Variants in CENPO observed in about 807,000 individuals in gnomAD.
CENPO encodes the protein centromeric protein O.
CENPO carries 30 observed loss-of-function variants against 36.1 expected under a neutral mutation model. The ratio of observed to expected loss-of-function variants is 0.83; its 90% CI spans 0.62 to 1.13. The LOEUF is 1.13. CENPO is among the 50% of genes most tolerant of loss of function. The probability of loss-of-function intolerance (pLI) is 0.00; values close to 1 mark genes in which losing one functional copy is unlikely to be tolerated. For synonymous variants in CENPO, 171 were observed against 142.3 expected (o/e 1.20, Z -1.44); for missense variants, 349 against 357.8 (o/e 0.98, Z 0.20).
chr2:24,819,694 T>C lies in CENPO; in HGVS notation c.*376T>C, dbSNP rs1313915968. Reference sequence around the variant, plus strand: ...GGACGGCAGGGATTGGAACGAGGGCTCTGGAAGGACTGTTCAGCCCTATGC... The same window carrying C: ...GGACGGCAGGGATTGGAACGAGGGCCCTGGAAGGACTGTTCAGCCCTATGC... On this transcript the variant is annotated 3_prime_UTR_variant, in exon 8 of 8. Transcript: ENST00000380834. 4 of 453,524 alleles carry C rather than the reference T, an allele frequency of 8.8e-6. No homozygotes were observed. Among genetic ancestry groups the C allele is most frequent in the Non-Finnish European group, 1.6e-5 (4 of 256,536 alleles). 28.1% of individuals were successfully genotyped at this position (453,524 alleles called of 1,614,324 possible).
rs1666904596 is a variant in CENPO, at chr2:24,815,605, T to C, written c.443T>C (p.Leu148Pro). The C allele has an allele frequency of 6.2e-7, 1 of 1,613,952 alleles. No homozygotes were observed. Among genetic ancestry groups the C allele is most frequent in the Non-Finnish European group, 8.5e-7 (1 of 1,179,982 alleles). Residue 148 changes from leucine (L) to proline (P), a missense_variant, in exon 5 of 8, where the codon CTC becomes CCC. Leu to Pro is a moderately conservative substitution (Grantham distance 98). Transcript: ENST00000380834. ...YFVDLVIQKP[L>P]RIHHHSVPVF... ...GTGGACCTTGTCATACAGAAACCAC[T>C]CCGGATACATCACCATTCAGTCCCA...
In CENPO at chr2:24,820,078, C is replaced by G. The variant is rs149824724; in HGVS notation, c.*760C>G. ...GGGCCTCGCCTCACAAAGCGGAAGC[C>G]GTACTCTCGGAGGATGACTTGGGTT... On this transcript the variant is annotated 3_prime_UTR_variant, in exon 8 of 8. Transcript: ENST00000380834. 6.3e-7 allele frequency: 1 copy of G among 1,575,032 alleles called. No individual in the cohort carries two copies. The highest frequency in any genetic ancestry group is 8.6e-7 in the Non-Finnish European group (1 of 1,161,064).
At chr2:24,799,608 G>T in intron 2 of CENPO, 67 bp from the exon 3 acceptor site, 1 of 1,312,392 alleles carries the variant, frequency 7.6e-7, no homozygotes, top group Non-Finnish European at 1.1e-6. Flanking sequence ...TCTTCCCTGA[G>T]ATGCTTCCTG....
chr2:24,793,664 G>A (rs551876179), intron 1 of CENPO, 163 bp downstream of exon 1: 59 of 1,177,386 alleles, frequency 5.0e-5, no homozygotes, highest in Admixed American at 8.4e-5. Context: ...CGGGATGGGC[G>A]CGGGGGTGGG....
In CENPO at chr2:24,822,027, T is replaced by G; in HGVS notation, c.*2709T>G. 4.6e-6 allele frequency: 1 copy of G among 215,756 alleles called. No individual in the cohort carries two copies. Among genetic ancestry groups the G allele is most frequent in the Admixed American group, 5.3e-5 (1 of 18,862 alleles). 13.4% of individuals were successfully genotyped at this position (215,756 alleles called of 1,614,324 possible). On this transcript the variant is annotated 3_prime_UTR_variant, in exon 8 of 8. Coordinates refer to ENST00000380834, the MANE Select transcript of CENPO (RefSeq NM_001322101.2). ...GGACGTGTTTCTTTAACCTCATCCA[T>G]ATAATAGGGCCGTGGGATGGTTGTA...
intron 6 of CENPO, among the ~76,000 whole-genome samples, chr2:24,817,071 T>C (rs1051138632): frequency 1.3e-5 from 2 of 152,212 alleles, no homozygotes; most frequent in Non-Finnish European, 2.9e-5. Flanking sequence ...TCTCGCAGCC[T>C]ATGATTTGTT....
chr2:24,793,705 A>G, intron 1 of CENPO, 147 bp from the exon 2 acceptor site: 2 of 965,958 alleles, frequency 2.1e-6, no homozygotes, highest in Admixed American at 2.5e-5. Flanking sequence ...ACGATGGGAG[A>G]GGGCGGGCGG....
At chr2:24,805,378 T>G (rs1666353222) in intron 3 of CENPO, among the ~76,000 whole-genome samples, 1 of 152,254 alleles carries the variant, frequency 6.6e-6, no homozygotes, top group Admixed American at 6.5e-5. Context: ...GGAGCTGCGT[T>G]CCTTTGGAGG....
Position 24,821,601 on chromosome 2 carries a change from C to CAGCCAGGTG in CENPO, c.*2284_*2292dup. ...ATGGCCAGCGCGAAGTCGGCCAGGTCAGCCAGGTGCTGCCAGCGCTCTCTC... is the reference window on the plus strand; with the variant it reads ...ATGGCCAGCGCGAAGTCGGCCAGGTCAGCCAGGTGAGCCAGGTGCTGCCAGCGCTCTCTC... On this transcript the variant is annotated 3_prime_UTR_variant, in exon 8 of 8. Coordinates refer to ENST00000380834, the MANE Select transcript of CENPO (RefSeq NM_001322101.2). 6.2e-7 allele frequency: 1 copy of CAGCCAGGTG among 1,614,168 alleles called. No individual in the cohort carries two copies. Among genetic ancestry groups the CAGCCAGGTG allele is most frequent in the Non-Finnish European group, 8.5e-7 (1 of 1,180,022 alleles).
In CENPO at chr2:24,822,263, C is replaced by T. The variant is rs754473225; in HGVS notation, c.*2945C>T. On this transcript the variant is annotated 3_prime_UTR_variant, in exon 8 of 8. Transcript: ENST00000380834. Reference sequence around the variant, plus strand: ...ATGAAAGCACAGAGCCTTAGGGGGCCTGGCCACAGAACACAACCATCTTAG... The same window carrying T: ...ATGAAAGCACAGAGCCTTAGGGGGCTTGGCCACAGAACACAACCATCTTAG... The T allele has an allele frequency of 2.4e-6, 1 of 411,588 alleles. No individual in the cohort carries two copies. The highest frequency in any genetic ancestry group is 4.3e-6 in the Non-Finnish European group (1 of 231,148). 25.5% of individuals were successfully genotyped at this position (411,588 alleles called of 1,614,324 possible).
rs981590615 is a variant in CENPO, at chr2:24,819,795, G to A, written c.*477G>A. The stretch of plus-strand genomic sequence containing the variant: ...CCACCCTCAGAGCTCACACATCCAC[G>A]AACAAATGAAGGCTGAGGAGGTTTC... On this transcript the variant is annotated 3_prime_UTR_variant, in exon 8 of 8. Transcript: ENST00000380834. 10 of 933,494 alleles carry A rather than the reference G, an allele frequency of 1.1e-5. No individual in the cohort carries two copies. The highest frequency in any genetic ancestry group is 3.5e-5 in the South Asian group (2 of 57,322). The allele number at this position is 933,494 out of a possible 1,614,324, so 57.8% of individuals were successfully genotyped here. A position where few individuals can be genotyped will look rare whatever the true frequency, so the allele number is the denominator to read the frequency against.
Position 24,821,637 on chromosome 2 carries a change from C to T in CENPO, c.*2319C>T. The T allele has an allele frequency of 6.2e-7, 1 of 1,613,956 alleles. No homozygotes were observed. Among genetic ancestry groups the T allele is most frequent in the Non-Finnish European group, 8.5e-7 (1 of 1,179,978 alleles). ...TGCCAGCGCTCTCTCTCGGACTTGTCTTCCTGTGCCAGGGGACCGTGGAGA... is the reference window on the plus strand; with the variant it reads ...TGCCAGCGCTCTCTCTCGGACTTGTTTTCCTGTGCCAGGGGACCGTGGAGA... On this transcript the variant is annotated 3_prime_UTR_variant, in exon 8 of 8. Transcript: ENST00000380834.
At chr2:24,811,282 C>CTTTTTTTCT (rs1666670368) in intron 3 of CENPO, among the ~76,000 whole-genome samples, 1 of 105,548 alleles carries the variant, frequency 9.5e-6, no homozygotes, top group Non-Finnish European at 1.8e-5. Context: ...AGTCCATGAA[C>CTTTTTTTCT]TTTTTTTTTT....
Position 24,821,144 on chromosome 2 carries a change from C to A in CENPO, c.*1826C>A, listed in dbSNP as rs766618957. ...CCTGGGACCTCACTCAGGAATGATA[C>A]CCCCTCAGTAGAAGCAGCAGGTGAT... On this transcript the variant is annotated 3_prime_UTR_variant, in exon 8 of 8. Coordinates refer to ENST00000380834, the MANE Select transcript of CENPO (RefSeq NM_001322101.2). 3 of 436,518 alleles carry A rather than the reference C, an allele frequency of 6.9e-6. No individual in the cohort carries two copies. The highest frequency in any genetic ancestry group is 4.0e-5 in the African/African-American group (2 of 49,690). 27.0% of individuals were successfully genotyped at this position (436,518 alleles called of 1,614,324 possible). A position where few individuals can be genotyped will look rare whatever the true frequency, so the allele number is the denominator to read the frequency against.
At chr2:24,814,870 C>T (rs1666868954) in intron 4 of CENPO, 2 of 192,408 alleles carry the variant, frequency 1.0e-5, no homozygotes, top group South Asian at 1.2e-4. Context: ...GGGATTTATT[C>T]TCCCATCTAT....
Position 24,820,269 on chromosome 2 carries a change from C to T in CENPO, c.*951C>T, listed in dbSNP as rs568804827. ...CCTCCCAGGGCCAAGCCCTTCCACC[C>T]GTGGCGAGCAGCGGGTGGGAAGGAG... is the stretch of plus-strand genomic sequence containing the variant. On this transcript the variant is annotated 3_prime_UTR_variant, in exon 8 of 8. Coordinates refer to ENST00000380834, the MANE Select transcript of CENPO (RefSeq NM_001322101.2). The T allele has an allele frequency of 1.1e-4, 129 of 1,213,958 alleles. 1 individual carries two copies. The highest frequency in any genetic ancestry group is 2.5e-4 in the Admixed American group (7 of 28,372). The allele number at this position is 1,213,958 out of a possible 1,614,324, so 75.2% of individuals were successfully genotyped here. A position where few individuals can be genotyped will look rare whatever the true frequency, so the allele number is the denominator to read the frequency against.
Position 24,821,806 on chromosome 2 carries a change from C to T in CENPO, c.*2488C>T, listed in dbSNP as rs1426249322. ...CGCAGCCACGCTAGCTCTGACTTGC[C>T]ACTGTGACAAAGTTCACGTAGCAGG... On this transcript the variant is annotated 3_prime_UTR_variant, in exon 8 of 8. Coordinates refer to ENST00000380834, the MANE Select transcript of CENPO (RefSeq NM_001322101.2). 5 of 1,010,318 alleles carry T rather than the reference C, an allele frequency of 4.9e-6. No individual in the cohort carries two copies. In the South Asian group the frequency reaches 8.1e-5, roughly 16 times the overall value. 62.6% of individuals were successfully genotyped at this position (1,010,318 alleles called of 1,614,324 possible). A position where few individuals can be genotyped will look rare whatever the true frequency, so the allele number is the denominator to read the frequency against.
At chr2:24,804,009 G>A (rs1489533992) in intron 3 of CENPO, among the ~76,000 whole-genome samples, 2 of 152,154 alleles carry the variant, frequency 1.3e-5, no homozygotes, top group Non-Finnish European at 2.9e-5. Context: ...GAGTCTGGGT[G>A]CTCCTGTATT....
chr2:24,820,632 A>T lies in CENPO; in HGVS notation c.*1314A>T, dbSNP rs938777271. The T allele has an allele frequency of 6.4e-7, 1 of 1,571,324 alleles. No homozygotes were observed. On this transcript the variant is annotated 3_prime_UTR_variant, in exon 8 of 8. Coordinates refer to ENST00000380834, the MANE Select transcript of CENPO (RefSeq NM_001322101.2). ...GCCTCTGGACTTACTGTTCAGGGCC[A>T]GGGTGGGAGGCAGGGGCACGTGGGA...
Sources: gnomAD v4.1 joint callset for allele counts (sites outside exome capture counted in the v4.1 genomes callset) on GRCh38, gnomAD v4.1.1 for gene constraint, MANE v1.5 for transcripts, NCBI Gene and HGNC (gene_info 2026-07-23, HGNC 2026-07-21) for gene names.